The following RGS7 variants were observed in gnomAD, a reference collection of about 807,000 sequenced individuals.
RGS7 encodes regulator of G-protein signaling 7.
In RGS7, 27 loss-of-function variants were observed where a neutral mutation model predicts 81.1. The observed-to-expected ratio is 0.33, with a 90% CI of 0.25 to 0.46. RGS7 has a LOEUF of 0.46. Ranked by LOEUF, RGS7 falls within the 20% of genes least tolerant of loss-of-function variation. The probability of loss-of-function intolerance (pLI) is 1.00; values close to 1 mark genes in which losing one functional copy is unlikely to be tolerated. For synonymous variants in RGS7, 208 were observed against 207.7 expected (o/e 1.00, Z -0.01); for missense variants, 396 against 607.4 (o/e 0.65, Z 3.66).
chr1:240,871,902 C>T (rs767128788), intron 6 of RGS7, among the ~76,000 whole-genome samples: 10 of 152,150 alleles, frequency 6.6e-5, no homozygotes, highest in Non-Finnish European at 1.2e-4. Flanking sequence ...CCTGTGTCCT[C>T]CTGCATCAGC....
intron 3 of RGS7, among the ~76,000 whole-genome samples, chr1:241,087,680 G>A (rs1426387313): frequency 6.6e-6 from 1 of 152,074 alleles, no homozygotes; most frequent in African/African-American, 2.4e-5. Context: ...TGGGTGCGGT[G>A]GCTCAGGCCT....
chr1:240,888,992 A>G (rs1667828817), intron 6 of RGS7, among the ~76,000 whole-genome samples: 1 of 152,076 alleles, frequency 6.6e-6, no homozygotes, highest in Non-Finnish European at 1.5e-5. Context: ...GTCCCACTCT[A>G]TTGCCCAGGC....
rs537945180 is a variant in RGS7, at chr1:241,051,649, C to T, written c.175+47017G>A. Among the ~76,000 whole-genome samples, 8 of 152,008 alleles carry T rather than the reference C, an allele frequency of 5.3e-5. No homozygotes were observed. The South Asian group carries it at 1.2e-3, about 24-fold the overall frequency. ...TGATTCACACTGTTTAAATAACTTC[C>T]GTGGGTAGAGAGAACTTGAAGTACA... is the stretch of plus-strand genomic sequence containing the variant. On this transcript the variant is annotated intron_variant, in intron 3 of 18. Coordinates refer to ENST00000440928, the MANE Select transcript of RGS7 (RefSeq NM_001364886.1).
chr1:241,051,844 C>T lies in RGS7; in HGVS notation c.175+46822G>A, dbSNP rs180943207. On this transcript the variant is annotated intron_variant, in intron 3 of 18. Coordinates refer to ENST00000440928, the MANE Select transcript of RGS7 (RefSeq NM_001364886.1). ...ATTCACTCCTTCTAACTGCCTTATT[C>T]AGTAGGTGCTATAATTATTACTATC... 4.4e-4 allele frequency among the ~76,000 whole-genome samples: 67 copies of T among 152,270 alleles called. No individual in the cohort carries two copies. In the East Asian group the frequency reaches 9.5e-3, roughly 22 times the overall value.
At chr1:240,815,155 T>G (rs10926359) in intron 11 of RGS7, among the ~76,000 whole-genome samples, 1 of 151,720 alleles carries the variant, frequency 6.6e-6, no homozygotes, top group Non-Finnish European at 1.5e-5. Flanking sequence ...CTGGCCAACA[T>G]AGTGAGACCC....
rs2062364102 is a variant in RGS7, at chr1:241,070,367, T to C, written c.175+28299A>G. On this transcript the variant is annotated intron_variant, in intron 3 of 18. Transcript: ENST00000440928. ...CACTAGCCAAGAAGTCATTCGATTA[T>C]GCTAAACAAAATCAATTCATTTATG... 2.0e-5 allele frequency among the ~76,000 whole-genome samples: 3 copies of C among 150,864 alleles called. No individual in the cohort carries two copies. In the South Asian group the frequency reaches 6.3e-4, roughly 31 times the overall value.
chr1:240,842,199 A>AATTTTTT (rs1658149707), intron 9 of RGS7, among the ~76,000 whole-genome samples: 1 of 78,676 alleles, frequency 1.3e-5, no homozygotes, highest in Admixed American at 1.6e-4. Context: ...TTTGTCAGGA[A>AATTTTTT]TTTTTTTTTT....
intron 6 of RGS7, among the ~76,000 whole-genome samples, chr1:240,906,146 A>G (rs1670774288): frequency 6.6e-6 from 1 of 152,104 alleles, no homozygotes; most frequent in South Asian, 2.1e-4. Context: ...CTCTAAGCAA[A>G]TATCTATAAA....
intron 9 of RGS7, among the ~76,000 whole-genome samples, chr1:240,864,925 C>G (rs909029803): frequency 2.0e-5 from 3 of 152,098 alleles, no homozygotes; most frequent in Admixed American, 6.6e-5. Flanking sequence ...AGTACAGGAG[C>G]TGCATTTGCA....
intron 2 of RGS7, among the ~76,000 whole-genome samples, chr1:241,146,411 T>C (rs948700375): frequency 2.6e-5 from 4 of 152,216 alleles, no homozygotes; most frequent in African/African-American, 9.6e-5. Flanking sequence ...TTTTGGTATC[T>C]GAGGGGAATC....
intron 3 of RGS7, among the ~76,000 whole-genome samples, chr1:241,055,337 T>C (rs1392305380): frequency 2.0e-5 from 3 of 152,172 alleles, no homozygotes; most frequent in Admixed American, 6.5e-5. Flanking sequence ...GGGCTATAAA[T>C]TGGAGTTCCT....
intron 2 of RGS7, among the ~76,000 whole-genome samples, chr1:241,326,190 A>G (rs1274419211): frequency 1.3e-5 from 2 of 152,180 alleles, no homozygotes; most frequent in African/African-American, 2.4e-5. Context: ...ATTGGAAAAT[A>G]CTGAGGGACA....
At chr1:241,356,687 G>A (rs1238399868) in intron 1 of RGS7, among the ~76,000 whole-genome samples, 1 of 151,430 alleles carries the variant, frequency 6.6e-6, no homozygotes, top group Non-Finnish European at 1.5e-5. Context: ...GCCCCGCGCC[G>A]CGGCGGCCGC....
At chr1:241,204,654 C>G (rs926044696) in intron 2 of RGS7, among the ~76,000 whole-genome samples, 2 of 151,796 alleles carry the variant, frequency 1.3e-5, no homozygotes, top group African/African-American at 4.8e-5. Flanking sequence ...AGAGAAGAAA[C>G]CATTGTCTCA....
At chr1:241,028,656 G>A (rs1390752985) in intron 3 of RGS7, among the ~76,000 whole-genome samples, 1 of 152,184 alleles carries the variant, frequency 6.6e-6, no homozygotes, top group Non-Finnish European at 1.5e-5. Context: ...CAGAGCAATG[G>A]AGATCAGCGA....
At chr1:241,046,462 T>C (rs2060936721) in intron 3 of RGS7, among the ~76,000 whole-genome samples, 1 of 152,234 alleles carries the variant, frequency 6.6e-6, no homozygotes. Context: ...TCTGTTTCCT[T>C]AGTTAGCCAA....
chr1:241,017,937 C>T (rs746159797), intron 3 of RGS7, among the ~76,000 whole-genome samples: 13 of 151,052 alleles, frequency 8.6e-5, no homozygotes, highest in South Asian at 2.1e-4. Context: ...ATATGTTAGT[C>T]GGGTTCTGAT....
At chr1:241,100,389 A>AG (rs1405123800) in intron 2 of RGS7, among the ~76,000 whole-genome samples, 1 of 151,730 alleles carries the variant, frequency 6.6e-6, no homozygotes, top group African/African-American at 2.4e-5. Flanking sequence ...AAAAAAAAAA[A>AG]AAAAAAAATT....
intron 9 of RGS7, among the ~76,000 whole-genome samples, chr1:240,844,842 G>A (rs1409172349): frequency 6.6e-6 from 1 of 152,204 alleles, no homozygotes; most frequent in Non-Finnish European, 1.5e-5. Flanking sequence ...CAAGGTATCA[G>A]TAATGAGATC....
Sources: allele counts gnomAD v4.1 joint callset (sites outside exome capture counted in the v4.1 genomes callset), GRCh38; gene constraint gnomAD v4.1.1; transcripts MANE v1.5; gene names NCBI Gene and HGNC (gene_info 2026-07-23, HGNC 2026-07-21).